The following TMEM254 variants were observed in gnomAD, a reference collection of about 807,000 sequenced individuals.
TMEM254 encodes the protein transmembrane protein C10orf57.
TMEM254 carries 16 observed loss-of-function variants against 13.9 expected under a neutral mutation model. That is an observed-to-expected ratio of 1.15 (90% CI 0.78 to 1.75). TMEM254 has a LOEUF of 1.75. Among genes scored for constraint, TMEM254 ranks in the 40% most tolerant of loss-of-function variants. The probability of loss-of-function intolerance (pLI) is 0.00; values close to 1 mark genes in which losing one functional copy is unlikely to be tolerated. For missense variants in TMEM254, 155 were observed against 149.0 expected, an observed-to-expected ratio of 1.04 and a Z score of -0.21; for synonymous variants, 61 against 56.4, an observed-to-expected ratio of 1.08 and a Z score of -0.36.
chr10:80,088,598 A>C lies in TMEM254; in HGVS notation c.252-2199A>C, dbSNP rs1844425352. On this transcript the variant is annotated intron_variant, in intron 3 of 3. Transcript: ENST00000372281. ...ATTGTTGTTACATTAATTTCCAGCA[A>C]CTTCTACTTTGAGATGTTATTATAA... 2.6e-5 allele frequency among the ~76,000 whole-genome samples: 4 copies of C among 151,364 alleles called. No individual in the cohort carries two copies. The South Asian group carries it at 8.4e-4, about 32-fold the overall frequency.
Position 80,090,864 on chromosome 10 carries a change from G to A in TMEM254, c.319G>A (p.Ala107Thr). ...WFLQTFFFGI[A>T]SLTILIAYKR... ...CCTACAGACTTTCTTCTTTGGGATA[G>A]CGTCTCTCACCATCTTGATTGCTTA... Residue 107 changes from alanine to threonine, a missense_variant, in exon 4 of 4, where the codon GCG becomes ACG. Physicochemically the swap from Ala to Thr is moderately conservative, Grantham distance 58. Transcript: ENST00000372281. 2 of 1,614,180 alleles carry A rather than the reference G, an allele frequency of 1.2e-6. No individual in the cohort carries two copies. Among genetic ancestry groups the A allele is most frequent in the South Asian group, 1.1e-5 (1 of 91,084 alleles).
chr10:80,079,111 C>A (rs1232884762), intron 1 of TMEM254: 2 of 1,342,004 alleles, frequency 1.5e-6, no homozygotes, highest in South Asian at 1.2e-5. Context: ...GCCAGCAATG[C>A]GGCTACCGCC....
intron 1 of TMEM254, 143 bp downstream of exon 1, chr10:80,078,929 G>A: frequency 2.0e-6 from 3 of 1,522,928 alleles, no homozygotes; most frequent in Admixed American, 2.0e-5. Flanking sequence ...GGAGGGGAGG[G>A]GACCAGACTC....
intron 3 of TMEM254, among the ~76,000 whole-genome samples, chr10:80,089,085 T>C (rs979419490): frequency 1.3e-5 from 2 of 152,098 alleles, no homozygotes; most frequent in African/African-American, 4.8e-5. Flanking sequence ...GCTAAATAAA[T>C]TTATTAATTG....
chr10:80,083,537 T>A (rs1326422899), intron 3 of TMEM254, among the ~76,000 whole-genome samples: 1 of 152,198 alleles, frequency 6.6e-6, no homozygotes, highest in East Asian at 1.9e-4. Context: ...TTCAAACAGA[T>A]CGTAGGATTT....
intron 1 of TMEM254, chr10:80,081,493 C>G (rs1365858347): frequency 8.3e-6 from 5 of 602,936 alleles, no homozygotes; most frequent in Non-Finnish European, 1.4e-5. Context: ...ATAGTGAGAC[C>G]CCATCTCTAT....
chr10:80,090,145 A>G (rs1265205184), intron 3 of TMEM254, among the ~76,000 whole-genome samples: 1 of 152,178 alleles, frequency 6.6e-6, no homozygotes, highest in African/African-American at 2.4e-5. Flanking sequence ...GTTTTAAATA[A>G]AAGTCATCCA....
At position 80,082,334 on chromosome 10, in the gene TMEM254, C is replaced by G. The variant is rs1018895137; in HGVS notation, c.251+130C>G. 30 of 1,020,706 alleles carry G rather than the reference C, an allele frequency of 2.9e-5. No homozygotes were observed. The African/African-American group carries it at 4.8e-4, about 16-fold the overall frequency. The allele number at this position is 1,020,706 out of a possible 1,614,324, so 63.2% of individuals were successfully genotyped here. ...TCAGGGTAGAGCGGAATCCCCATGC[C>G]TGATACTGAGCCTGGAGCAGAGGCA... is the stretch of plus-strand genomic sequence containing the variant. On this transcript the variant is annotated intron_variant, in intron 3 of 3. Coordinates refer to ENST00000372281, the MANE Select transcript of TMEM254 (RefSeq NM_025125.4).
At chr10:80,087,159 G>T (rs1223076644) in intron 3 of TMEM254, among the ~76,000 whole-genome samples, 1 of 151,992 alleles carries the variant, frequency 6.6e-6, no homozygotes, top group East Asian at 1.9e-4. Flanking sequence ...TAATAACAGT[G>T]CATAGTATTC....
intron 1 of TMEM254, among the ~76,000 whole-genome samples, chr10:80,080,768 A>G (rs886581377): frequency 1.6e-5 from 2 of 125,048 alleles, no homozygotes; most frequent in Non-Finnish European, 3.6e-5. Context: ...GCAAAACCTC[A>G]TCTCTACACA....
chr10:80,078,855 G>A, intron 1 of TMEM254, 69 bp downstream of exon 1: 1 of 1,543,892 alleles, frequency 6.5e-7, no homozygotes, highest in Admixed American at 2.0e-5. Context: ...CAGGACCTGG[G>A]CTCACAGGCC....
chr10:80,088,767 C>CAAAA (rs10670160), intron 3 of TMEM254, among the ~76,000 whole-genome samples: 1 of 118,360 alleles, frequency 8.4e-6, no homozygotes, highest in Non-Finnish European at 1.8e-5. Context: ...GACTCCGTCT[C>CAAAA]AAAAAAAAAA....
intron 3 of TMEM254, among the ~76,000 whole-genome samples, chr10:80,086,834 C>A (rs1010724704): frequency 2.7e-5 from 3 of 112,568 alleles, no homozygotes; most frequent in Non-Finnish European, 3.8e-5. Context: ...CAGCAAGACT[C>A]CATTTCAAAA....
intron 3 of TMEM254, chr10:80,086,082 A>G: frequency 1.2e-5 from 5 of 428,944 alleles, no homozygotes; most frequent in South Asian, 5.1e-5. Flanking sequence ...GAAATTTTTC[A>G]AGTATCAGAG....
chr10:80,082,699 A>G (rs1002331003), intron 3 of TMEM254, among the ~76,000 whole-genome samples: 1 of 152,196 alleles, frequency 6.6e-6, no homozygotes, highest in African/African-American at 2.4e-5. Context: ...AGATAATTCT[A>G]GGATGCAATG....
chr10:80,085,095 C>T (rs1844245913), intron 3 of TMEM254, among the ~76,000 whole-genome samples: 1 of 152,134 alleles, frequency 6.6e-6, no homozygotes, highest in Admixed American at 6.5e-5. Flanking sequence ...GCTGGGATTA[C>T]AGACGTGAGC....
Position 80,078,852 on chromosome 10 carries a change from T to G in TMEM254, c.87+66T>G, listed in dbSNP as rs991277489. 14 of 1,542,888 alleles carry G rather than the reference T, an allele frequency of 9.1e-6. No individual in the cohort carries two copies. The African/African-American group carries it at 1.6e-4, about 18-fold the overall frequency. The stretch of plus-strand genomic sequence containing the variant: ...CGAGCGCTCGGTTCACCCCAGGACC[T>G]GGGCTCACAGGCCGCGGGCCGGGGG... On this transcript the variant is annotated intron_variant, in intron 1 of 3. Transcript: ENST00000372281.
chr10:80,086,666 C>A (rs1844329833), intron 3 of TMEM254, among the ~76,000 whole-genome samples: 1 of 151,884 alleles, frequency 6.6e-6, no homozygotes, highest in Non-Finnish European at 1.5e-5. Flanking sequence ...TATGGTGAAA[C>A]CCCGTCTCTA....
Position 80,090,900 on chromosome 10 carries a change from C to T in TMEM254, c.355C>T (p.Arg119Cys), listed in dbSNP as rs777639712. 24 of 1,613,500 alleles carry T rather than the reference C, an allele frequency of 1.5e-5. No homozygotes were observed. The highest frequency in any genetic ancestry group is 8.0e-5 in the African/African-American group (6 of 74,888). Reference sequence around the variant, plus strand: ...CATCTTGATTGCTTACAAACGGAAGCGCCAAAAACAAACTTGAAGTTGTCT... The same window carrying T: ...CATCTTGATTGCTTACAAACGGAAGTGCCAAAAACAAACTTGAAGTTGTCT... ...LTILIAYKRK[R>C]QKQT Residue 119 changes from arginine (R) to cysteine (C), a missense_variant, in exon 4 of 4, where the codon CGC (arginine) becomes TGC (cysteine). By Grantham distance (180) the Arg-to-Cys change is radical. Transcript: ENST00000372281.
Sources: gnomAD v4.1 joint callset for allele counts (sites outside exome capture counted in the v4.1 genomes callset) on GRCh38, gnomAD v4.1.1 for gene constraint, MANE v1.5 for transcripts, NCBI Gene and HGNC (gene_info 2026-07-23, HGNC 2026-07-21) for gene names.